The following S100Z variants were observed in gnomAD, a reference collection of about 807,000 sequenced individuals.
S100Z encodes protein S100-Z.
In S100Z, 11 loss-of-function variants were observed where a neutral mutation model predicts 8.5. The observed-to-expected ratio is 1.30, with a 90% CI of 0.82 to 2.15. The LOEUF is 2.15. S100Z is among the 30% of genes most tolerant of loss of function. The pLI is 0.00. For synonymous variants in S100Z, 34 were observed against 43.8 expected (o/e 0.78, Z 0.89); for missense variants, 126 against 117.9 (o/e 1.07, Z -0.32).
intron 1 of S100Z, among the ~76,000 whole-genome samples, chr5:76,851,068 T>C (rs1750714513): frequency 6.6e-6 from 1 of 152,238 alleles, no homozygotes; most frequent in South Asian, 2.1e-4. Flanking sequence ...ACTATTATTT[T>C]CCTTCAACCC....
the S100Z span, among the ~76,000 whole-genome samples, chr5:76,927,579 G>A: frequency 6.6e-6 from 1 of 152,216 alleles, no homozygotes; most frequent in African/African-American, 2.4e-5. Context: ...ATGGCTGGGA[G>A]AAGTTAAAGA....
chr5:76,876,988 A>G (rs375206308), intron 3 of S100Z, among the ~76,000 whole-genome samples: 1 of 152,194 alleles, frequency 6.6e-6, no homozygotes, highest in African/African-American at 2.4e-5. Context: ...GCATCTTTAT[A>G]AGACCTACCT....
the S100Z span, among the ~76,000 whole-genome samples, chr5:76,951,069 T>C: frequency 6.6e-6 from 1 of 152,180 alleles, no homozygotes. Context: ...GCTTAGTAGA[T>C]ATTTACCAAA....
At chr5:76,913,739 A>C (rs1744751550) in intron 4 of S100Z, among the ~76,000 whole-genome samples, 1 of 152,242 alleles carries the variant, frequency 6.6e-6, no homozygotes, top group African/African-American at 2.4e-5. Context: ...AAAACCGCAG[A>C]GGCGTAGACC....
intron 4 of S100Z, among the ~76,000 whole-genome samples, chr5:76,883,563 C>T (rs1007837242): frequency 5.3e-5 from 8 of 152,108 alleles, no homozygotes; most frequent in Non-Finnish European, 8.8e-5. Flanking sequence ...AAGAAGGAGA[C>T]GGACTTACCC....
At position 76,850,151 on chromosome 5, in the gene S100Z, C is replaced by T. The variant is rs1750680960; in HGVS notation, c.-180C>T. On this transcript the variant is annotated 5_prime_UTR_variant, in exon 1 of 5. Transcript: ENST00000317593. ...TATCTCATCTGCACAGGAAGCAGGT[C>T]TAAGGTAAAAGATTATTTTTGTGGA... 6.6e-6 allele frequency: 1 copy of T among 152,136 alleles called. No homozygotes were observed. Among genetic ancestry groups the T allele is most frequent in the Admixed American group, 6.6e-5 (1 of 15,262 alleles). 9.4% of individuals were successfully genotyped at this position (152,136 alleles called of 1,614,324 possible). A position where few individuals can be genotyped will look rare whatever the true frequency, so the allele number is the denominator to read the frequency against.
At chr5:76,875,230 G>A (rs907918084) in intron 2 of S100Z, 74 bp from the exon 3 acceptor site, 1 of 822,492 alleles carries the variant, frequency 1.2e-6, no homozygotes, top group Middle Eastern at 3.6e-4. Context: ...TGTGTGGCGA[G>A]CTGACTCGGG....
chr5:76,911,967 G>T (rs1561249814), intron 4 of S100Z, among the ~76,000 whole-genome samples: 12 of 152,278 alleles, frequency 7.9e-5, no homozygotes, highest in Admixed American at 7.2e-4. Flanking sequence ...AGAGTGCAGG[G>T]CTAGCTCTTG....
At chr5:76,925,192 CA>C (rs747137147), downstream of S100Z, among the ~76,000 whole-genome samples, 5 of 152,054 alleles carry the variant, frequency 3.3e-5, no homozygotes, top group Admixed American at 2.0e-4. Context: ...AGAGAAGTCA[CA>C]GTGTTTTTTT....
intron 4 of S100Z, among the ~76,000 whole-genome samples, chr5:76,895,991 G>A (rs1230575422): frequency 6.6e-6 from 1 of 151,864 alleles, no homozygotes; most frequent in African/African-American, 2.4e-5. Flanking sequence ...TTGAACTCCT[G>A]ACCTCAAGTG....
intron 4 of S100Z, among the ~76,000 whole-genome samples, chr5:76,880,451 C>T (rs1397111377): frequency 6.6e-6 from 1 of 152,042 alleles, no homozygotes; most frequent in Non-Finnish European, 1.5e-5. Context: ...AGGGCTGCTT[C>T]GAGCAGGATT....
intron 2 of S100Z, among the ~76,000 whole-genome samples, chr5:76,873,487 T>C (rs1393806259): frequency 6.6e-6 from 1 of 152,190 alleles, no homozygotes; most frequent in East Asian, 1.9e-4. Flanking sequence ...TTTGTATTTT[T>C]AGTAGAGACA....
intron 4 of S100Z, among the ~76,000 whole-genome samples, chr5:76,909,859 T>A (rs1215503662): frequency 6.6e-6 from 1 of 152,244 alleles, no homozygotes; most frequent in Non-Finnish European, 1.5e-5. Flanking sequence ...TGGAGAGATG[T>A]CATGCTATTG....
At chr5:76,864,470 C>T (rs1238127687) in intron 1 of S100Z, among the ~76,000 whole-genome samples, 4 of 125,984 alleles carry the variant, frequency 3.2e-5, no homozygotes, top group African/African-American at 8.8e-5. Flanking sequence ...GGCACAATCT[C>T]GGCTAACTGT....
At chr5:76,952,096 A>T in the S100Z span, among the ~76,000 whole-genome samples, 2 of 152,234 alleles carry the variant, frequency 1.3e-5, no homozygotes, top group Non-Finnish European at 2.9e-5. Context: ...GGACACAAAG[A>T]AGAAATTCTC....
chr5:76,906,972 G>GTA (rs1744447479), intron 4 of S100Z, among the ~76,000 whole-genome samples: 4 of 30,410 alleles, frequency 1.3e-4, no homozygotes, highest in African/African-American at 4.9e-4. Flanking sequence ...TCCATTGTGT[G>GTA]TGTGTATATA....
chr5:76,935,003 T>C, the S100Z span, among the ~76,000 whole-genome samples: 1 of 152,216 alleles, frequency 6.6e-6, no homozygotes, highest in Non-Finnish European at 1.5e-5. Context: ...CTTATAGTCA[T>C]GCCATATTTT....
chr5:76,858,000 T>A (rs1362783610), intron 1 of S100Z, among the ~76,000 whole-genome samples: 1 of 152,210 alleles, frequency 6.6e-6, no homozygotes, highest in Admixed American at 6.5e-5. Flanking sequence ...TAAACAGAAG[T>A]GATAAAGCCT....
the S100Z span, among the ~76,000 whole-genome samples, chr5:76,950,722 T>G: frequency 0.078 from 11,912 of 152,170 alleles, 762 homozygotes; most frequent in African/African-American, 0.18. Flanking sequence ...CTCTGAGTTT[T>G]CCCAGAACAT....
Sources: gnomAD v4.1 joint callset for allele counts (sites outside exome capture counted in the v4.1 genomes callset) on GRCh38, gnomAD v4.1.1 for gene constraint, MANE v1.5 for transcripts, NCBI Gene and HGNC (gene_info 2026-07-23, HGNC 2026-07-21) for gene names.